The following PRR5 variants were observed in gnomAD, a reference collection of about 807,000 sequenced individuals.
PRR5 encodes proline-rich protein 5.
In PRR5, 25 loss-of-function variants were observed where a neutral mutation model predicts 30.6. That is an observed-to-expected ratio of 0.82 (90% confidence interval 0.60 to 1.14). The LOEUF is 1.14. PRR5 is among the 50% of genes most tolerant of loss of function. PRR5 has a pLI of 0.00. For synonymous variants in PRR5, 286 were observed against 247.1 expected, an observed-to-expected ratio of 1.16 and a Z score of -1.48; for missense variants, 600 against 547.1, an observed-to-expected ratio of 1.10 and a Z score of -0.96.
At position 44,735,145 on chromosome 22, in the gene PRR5, C is replaced by T. The variant is rs1438849847; in HGVS notation, c.674C>T (p.Thr225Ile). 8 of 1,612,922 alleles carry T rather than the reference C, an allele frequency of 5.0e-6. No individual in the cohort carries two copies. The highest frequency in any genetic ancestry group is 6.8e-6 in the Non-Finnish European group (8 of 1,179,838). Reference sequence around the variant, plus strand: ...CTCCACTCCAGCGAGGGGCCCTTCACCCATTCCTGCATCCTGGGTAGGGGT... The same window carrying T: ...CTCCACTCCAGCGAGGGGCCCTTCATCCATTCCTGCATCCTGGGTAGGGGT... ...YGLHSSEGPF[T>I]HSCILEKRLL... Residue 225 changes from threonine (T) to isoleucine (I), a missense_variant, in exon 7 of 8, where the codon ACC (threonine) becomes ATC (isoleucine). By Grantham distance (89) the Thr-to-Ile change is moderately conservative (BLOSUM62 -1). Coordinates refer to ENST00000336985, the MANE Select transcript of PRR5 (RefSeq NM_181333.4).
intron 4 of PRR5, chr22:44,729,491 C>T (rs1021967210): frequency 8.1e-5 from 80 of 985,458 alleles, no homozygotes; most frequent in Non-Finnish European, 8.3e-5. Flanking sequence ...CGCACACACC[C>T]GGCCCCGTCC....
At chr22:44,735,769 C>A (rs1261547445) in intron 7 of PRR5, among the ~76,000 whole-genome samples, 1 of 152,204 alleles carries the variant, frequency 6.6e-6, no homozygotes, top group African/African-American at 2.4e-5. Flanking sequence ...GCATCCCAGG[C>A]AGAGGGGACA....
rs558128063 is a variant in PRR5, at chr22:44,720,814, C to T, written c.216-4430C>T. Among the ~76,000 whole-genome samples, 20 of 152,154 alleles carry T rather than the reference C, an allele frequency of 1.3e-4. No individual in the cohort carries two copies. In the East Asian group the frequency reaches 1.9e-3, roughly 15 times the overall value. On this transcript the variant is annotated intron_variant, in intron 2 of 7. Coordinates refer to ENST00000336985, the MANE Select transcript of PRR5 (RefSeq NM_181333.4). ...CTCACCCCTGCCCAGAGAAGGAGTGCGCTGAGTTCATTCATTGTGAGCTGT... is the reference window on the plus strand; with the variant it reads ...CTCACCCCTGCCCAGAGAAGGAGTGTGCTGAGTTCATTCATTGTGAGCTGT...
Position 44,732,374 on chromosome 22 carries a change from ATGC to A in PRR5, c.544_546del (p.Leu182del), listed in dbSNP as rs1245872348. 1.2e-6 allele frequency: 2 copies of A among 1,610,020 alleles called. No homozygotes were observed. Among genetic ancestry groups the A allele is most frequent in the Non-Finnish European group, 8.5e-7 (1 of 1,179,262 alleles). On this transcript the variant is annotated inframe_deletion, in exon 6 of 8. Coordinates refer to ENST00000336985, the MANE Select transcript of PRR5 (RefSeq NM_181333.4). ...CCGTGTGCCCCCTGCCATCGTGCAG[ATGC>A]TGCTGGTGCTGCAGGTGGGCACAGT...
intron 1 of PRR5, among the ~76,000 whole-genome samples, chr22:44,704,408 G>A (rs900519993): frequency 1.3e-5 from 2 of 152,138 alleles, no homozygotes; most frequent in African/African-American, 2.4e-5. Context: ...ACCCTGGAGT[G>A]GGCTCTGAGT....
intron 1 of PRR5, among the ~76,000 whole-genome samples, chr22:44,682,817 G>A (rs753563703): frequency 6.6e-5 from 10 of 152,246 alleles, no homozygotes; most frequent in Non-Finnish European, 1.0e-4. Context: ...CTGCAGGGCC[G>A]CCCAAGGCCT....
chr22:44,676,542 G>A (rs908668555), upstream of PRR5, among the ~76,000 whole-genome samples: 9 of 152,070 alleles, frequency 5.9e-5, no homozygotes, highest in Admixed American at 2.0e-4. Context: ...TAAAGGAGGC[G>A]GCAATGGCCC....
rs147526216 is a variant in PRR5 at position 44,737,241 on chromosome 22, C to T, written c.1161C>T (p.Val387=). 1.9e-5 allele frequency: 31 copies of T among 1,596,916 alleles called. No individual in the cohort carries two copies. Among genetic ancestry groups the T allele is most frequent in the Non-Finnish European group, 2.4e-5 (28 of 1,168,562 alleles). The change falls in exon 8 of 8, where the codon GTC becomes GTT. Residue 387 remains valine, a synonymous_variant. Transcript: ENST00000336985. ...DLEGSGGRQS[V]V ...AGGGCTCTGGGGGCCGGCAGAGTGT[C>T]GTGTGAGGCCTCACAGCTGGCCTTG...
In PRR5 at chr22:44,684,964, C is replaced by T. The variant is rs558143784; in HGVS notation, c.-11+7724C>T. Among the ~76,000 whole-genome samples, 55 of 152,282 alleles carry T rather than the reference C, an allele frequency of 3.6e-4. 1 individual carries two copies. Among genetic ancestry groups the T allele is most frequent in the African/African-American group, 1.1e-3 (45 of 41,552 alleles). On this transcript the variant is annotated intron_variant, in intron 1 of 8. Coordinates refer to the PRR5 transcript ENST00000006251. ...AAGTGGCAGCCCGGGACTCAGGGCCCGGCACGAAGTAGGCGCTCCTGGTGG... is the reference window on the plus strand; with the variant it reads ...AAGTGGCAGCCCGGGACTCAGGGCCTGGCACGAAGTAGGCGCTCCTGGTGG...
chr22:44,679,807 G>T, intron 1 of PRR5: 2 of 1,598,688 alleles, frequency 1.3e-6, no homozygotes, highest in Non-Finnish European at 1.7e-6. Flanking sequence ...GCCATGGTGT[G>T]TTTGGAACTT....
chr22:44,731,079 C>G (rs1194118960), intron 4 of PRR5: 4 of 296,556 alleles, frequency 1.3e-5, no homozygotes, highest in African/African-American at 8.9e-5. Context: ...TAGAAGAAAT[C>G]AACTGCTTAG....
chr22:44,728,605 G>C (rs1187929370), intron 4 of PRR5, among the ~76,000 whole-genome samples: 2 of 152,244 alleles, frequency 1.3e-5, no homozygotes, highest in African/African-American at 4.8e-5. Flanking sequence ...AGTGTGGTCT[G>C]TTCAGGGGAA....
chr22:44,717,065 G>GA (rs996971189), intron 2 of PRR5, among the ~76,000 whole-genome samples: 10 of 146,248 alleles, frequency 6.8e-5, no homozygotes, highest in South Asian at 2.2e-4. Flanking sequence ...CATCTCAAAA[G>GA]AAAAAAAAAT....
Position 44,711,797 on chromosome 22 carries a change from C to T in PRR5, c.135-2794C>T, listed in dbSNP as rs141930738. The stretch of plus-strand genomic sequence containing the variant: ...AGGAGTACCTCCACTCGCCATATCC[C>T]AGAGGCTCTCCCAGCAGATGCAGGG... On this transcript the variant is annotated intron_variant, in intron 1 of 7. Coordinates refer to ENST00000336985, the MANE Select transcript of PRR5 (RefSeq NM_181333.4). 1.6e-3 allele frequency among the ~76,000 whole-genome samples: 245 copies of T among 152,256 alleles called. 4 individuals are homozygous for T. In the South Asian group the frequency reaches 0.022, roughly 14 times the overall value.
chr22:44,691,362 A>G lies in PRR5; in HGVS notation c.-10-11130A>G, dbSNP rs1175372879. Among the ~76,000 whole-genome samples, 1 of 151,944 alleles carries G rather than the reference A, an allele frequency of 6.6e-6. No homozygotes were observed. Among genetic ancestry groups the G allele is most frequent in the Admixed American group, 6.6e-5 (1 of 15,248 alleles). On this transcript the variant is annotated intron_variant, in intron 1 of 8. Transcript: ENST00000006251. The surrounding 1 kb of genome is among the most constrained non-coding windows in gnomAD (Gnocchi z 4.4). ...CACGGAGAGGAGGCTACCCAGCTGG[A>G]GGGGTTGTGGTGGGGAGGCCGTGGC...
At chr22:44,708,226 GGGAA>G (rs1569086014) in intron 1 of PRR5, among the ~76,000 whole-genome samples, 3 of 152,102 alleles carry the variant, frequency 2.0e-5, no homozygotes, top group African/African-American at 4.8e-5. Context: ...AAAACAAATA[GGGAA>G]ACCAATGCCA....
At chr22:44,669,932 GTA>G (rs1328457612) in intron 1 of PRR5, among the ~76,000 whole-genome samples, 1 of 152,208 alleles carries the variant, frequency 6.6e-6, no homozygotes, top group African/African-American at 2.4e-5. Flanking sequence ...AATCCTGGGG[GTA>G]AGCTGGGGCT....
chr22:44,713,245 G>C (rs971709239), intron 1 of PRR5, among the ~76,000 whole-genome samples: 2 of 152,200 alleles, frequency 1.3e-5, no homozygotes, highest in African/African-American at 2.4e-5. Context: ...TGGGAGGCCA[G>C]CTCCTGTCAT....
upstream of PRR5, among the ~76,000 whole-genome samples, chr22:44,676,109 C>T (rs891184809): frequency 6.6e-5 from 10 of 151,976 alleles, no homozygotes; most frequent in East Asian, 1.7e-3. Flanking sequence ...GAAGGCTGGG[C>T]GCAGTGGCTC....
Sources: gnomAD v4.1 joint callset for allele counts (sites outside exome capture counted in the v4.1 genomes callset) on GRCh38, gnomAD v4.1.1 for gene constraint, Gnocchi (gnomAD v3.1) non-coding constraint, MANE v1.5 for transcripts, NCBI Gene and HGNC (gene_info 2026-07-23, HGNC 2026-07-21) for gene names.